SUMF1: variants seen among roughly 807,000 people sequenced by gnomAD.
SUMF1 encodes the protein sulfatase modifying factor 1.
A neutral mutation model predicts 47.6 loss-of-function variants in SUMF1; 48 were observed. The observed-to-expected ratio is 1.01, with a 90% CI of 0.80 to 1.28. The LOEUF (loss-of-function observed/expected upper bound fraction) is 1.28, where lower values mean the gene tolerates loss of function less well. SUMF1 is among the 50% of genes most tolerant of loss of function. The pLI is 0.00. For missense variants in SUMF1, 571 were observed against 485.4 expected, an observed-to-expected ratio of 1.18 and a Z score of -1.66; for synonymous variants, 230 against 192.1, an observed-to-expected ratio of 1.20 and a Z score of -1.63.
At chr3:4,159,728 T>G (rs1295769561) in intron 8 of SUMF1, among the ~76,000 whole-genome samples, 1 of 152,162 alleles carries the variant, frequency 6.6e-6, no homozygotes, top group African/African-American at 2.4e-5. Context: ...TAGCATTTCT[T>G]ATAGGACAGA....
chr3:4,415,829 A>G (rs1382804374), intron 6 of SUMF1, among the ~76,000 whole-genome samples: 1 of 152,114 alleles, frequency 6.6e-6, no homozygotes, highest in Non-Finnish European at 1.5e-5. Flanking sequence ...AAATAAATAA[A>G]TAAGTAAATA....
At chr3:4,416,996 G>T (rs776218473) in intron 6 of SUMF1, 132 bp downstream of exon 6, 1 of 813,138 alleles carries the variant, frequency 1.2e-6, no homozygotes, top group South Asian at 1.3e-5. Flanking sequence ...TATTTGCTAC[G>T]TGCAACAGTG....
intron 8 of SUMF1, among the ~76,000 whole-genome samples, chr3:4,200,125 T>C (rs1695510464): frequency 6.6e-6 from 1 of 151,996 alleles, no homozygotes; most frequent in Non-Finnish European, 1.5e-5. Context: ...TTTAGATCTA[T>C]GATCCACTTT....
intron 8 of SUMF1, among the ~76,000 whole-genome samples, chr3:4,173,224 G>T (rs1171694282): frequency 6.6e-6 from 1 of 151,982 alleles, no homozygotes; most frequent in Non-Finnish European, 1.5e-5. Flanking sequence ...ATCTCTTTTG[G>T]TACCAGTACC....
At chr3:4,211,974 C>A (rs1236377671) in intron 8 of SUMF1, among the ~76,000 whole-genome samples, 1 of 152,140 alleles carries the variant, frequency 6.6e-6, no homozygotes, top group Non-Finnish European at 1.5e-5. Context: ...GGACAGAGCA[C>A]CTGGGGAAGG....
At chr3:4,187,058 C>A (rs1695214895) in intron 8 of SUMF1, among the ~76,000 whole-genome samples, 1 of 152,116 alleles carries the variant, frequency 6.6e-6, no homozygotes, top group Non-Finnish European at 1.5e-5. Flanking sequence ...GACCATGTAT[C>A]TTCTGAGCTG....
intron 8 of SUMF1, among the ~76,000 whole-genome samples, chr3:4,150,885 C>G (rs575838372): frequency 6.6e-6 from 1 of 151,336 alleles, no homozygotes; most frequent in Non-Finnish European, 1.5e-5. Context: ...CTGATATTAT[C>G]AGGTTCCATA....
intron 8 of SUMF1, among the ~76,000 whole-genome samples, chr3:4,374,819 GTAAATA>G (rs1700273249): frequency 1.3e-5 from 2 of 152,132 alleles, no homozygotes; most frequent in African/African-American, 4.8e-5. Flanking sequence ...ACGTGAACAT[GTAAATA>G]TATTGGGAAG....
intron 3 of SUMF1, among the ~76,000 whole-genome samples, chr3:4,438,122 TG>T (rs1222724297): frequency 1.3e-5 from 2 of 152,028 alleles, no homozygotes; most frequent in Non-Finnish European, 2.9e-5. Flanking sequence ...TTCAATTCAA[TG>T]GTAAGACATG....
chr3:4,317,312 C>T (rs969731954), intron 8 of SUMF1: 1 of 1,010,376 alleles, frequency 9.9e-7, no homozygotes, highest in Non-Finnish European at 1.4e-6. Context: ...GTTAGTTTTG[C>T]ACCAACCCAA....
intron 8 of SUMF1, among the ~76,000 whole-genome samples, chr3:4,087,972 A>G (rs1692705999): frequency 6.6e-6 from 1 of 152,114 alleles, no homozygotes; most frequent in Non-Finnish European, 1.5e-5. Context: ...TTGATTTGAA[A>G]AAAAAATGCA....
At chr3:4,366,278 G>A (rs1244504704) in intron 8 of SUMF1, among the ~76,000 whole-genome samples, 1 of 152,080 alleles carries the variant, frequency 6.6e-6, no homozygotes, top group East Asian at 1.9e-4. Context: ...TGTTAGATTG[G>A]GGAAGTTCTC....
At chr3:4,341,517 G>A (rs1265352965) in intron 8 of SUMF1, among the ~76,000 whole-genome samples, 2 of 151,718 alleles carry the variant, frequency 1.3e-5, no homozygotes, top group African/African-American at 4.8e-5. Context: ...TTTGTTTCCA[G>A]AATACAATAG....
At position 4,283,622 on chromosome 3, in the gene SUMF1, T is replaced by A. The variant is rs190547464; in HGVS notation, c.1014+92708A>T. Among the ~76,000 whole-genome samples, 6 of 152,318 alleles carry A rather than the reference T, an allele frequency of 3.9e-5. No homozygotes were observed. In the East Asian group the frequency reaches 9.7e-4, roughly 25 times the overall value. On this transcript the variant is annotated intron_variant and NMD_transcript_variant, in intron 8 of 12. Coordinates refer to the SUMF1 transcript ENST00000448413. ...CAGAGAAAATGGCCAACAGTATATA[T>A]AGGCTTTAATAAAGGAAAAAAGCAT...
chr3:4,370,007 C>T (rs1687894), intron 8 of SUMF1, among the ~76,000 whole-genome samples: 91,456 of 152,076 alleles, frequency 0.6, 30,211 homozygotes, highest in Non-Finnish European at 0.74. Context: ...TATCAGGGAG[C>T]TGACATTCAA....
intron 8 of SUMF1, among the ~76,000 whole-genome samples, chr3:4,352,356 C>T (rs1163016870): frequency 2.6e-5 from 4 of 152,178 alleles, no homozygotes; most frequent in South Asian, 2.1e-4. Context: ...GCCTCCAGTA[C>T]AGTGCCTGGC....
Position 4,268,337 on chromosome 3 carries a change from G to A in SUMF1, c.1014+107993C>T, listed in dbSNP as rs536286054. ...TTGGGAGATATACCTAATGCTAGAT[G>A]ACAAGTTAGTGGGTGCAGCGCACCA... On this transcript the variant is annotated intron_variant and NMD_transcript_variant, in intron 8 of 12. Coordinates refer to the SUMF1 transcript ENST00000448413. Among the ~76,000 whole-genome samples, 248 of 152,158 alleles carry A rather than the reference G, an allele frequency of 1.6e-3. 1 individual carries two copies. Among genetic ancestry groups the A allele is most frequent in the African/African-American group, 5.8e-3 (242 of 41,520 alleles).
At chr3:4,241,075 T>C (rs978834358) in intron 8 of SUMF1, among the ~76,000 whole-genome samples, 2 of 152,068 alleles carry the variant, frequency 1.3e-5, no homozygotes, top group Non-Finnish European at 2.9e-5. Context: ...TAGTGGTTGG[T>C]TTATTAGAGA....
chr3:4,376,242 A>G, intron 8 of SUMF1, 88 bp downstream of exon 8: 2 of 1,483,572 alleles, frequency 1.3e-6, no homozygotes, highest in South Asian at 1.1e-5. Flanking sequence ...GCAGAAGTGA[A>G]TGAGACATTT....
Sources: allele counts gnomAD v4.1 joint callset (sites outside exome capture counted in the v4.1 genomes callset), GRCh38; gene constraint gnomAD v4.1.1; transcripts MANE v1.5; gene names NCBI Gene and HGNC (gene_info 2026-07-23, HGNC 2026-07-21).